ZNF385D: variants seen among roughly 807,000 people sequenced by gnomAD.
ZNF385D encodes zinc finger protein 659.
In ZNF385D, 15 loss-of-function variants were observed where a neutral mutation model predicts 35.8. The ratio of observed to expected loss-of-function variants is 0.42; its 90% CI spans 0.28 to 0.64. The LOEUF (loss-of-function observed/expected upper bound fraction) is 0.64, where lower values mean the gene tolerates loss of function less well. Ranked by LOEUF, ZNF385D falls within the 30% of genes least tolerant of loss-of-function variation. ZNF385D has a pLI of 0.23. For synonymous variants in ZNF385D, 212 were observed against 186.8 expected (o/e 1.13, Z -1.10); for missense variants, 474 against 494.6 (o/e 0.96, Z 0.39).
intron 3 of ZNF385D, among the ~76,000 whole-genome samples, chr3:21,821,586 T>G (rs1425407894): frequency 6.6e-6 from 1 of 152,084 alleles, no homozygotes; most frequent in East Asian, 1.9e-4. Context: ...AAGAAAAAAT[T>G]TATTGTACTT....
At chr3:21,589,323 T>C (rs944692203) in intron 2 of ZNF385D, among the ~76,000 whole-genome samples, 1 of 152,206 alleles carries the variant, frequency 6.6e-6, no homozygotes. Context: ...AGATATGTCA[T>C]TGTCATTCAG....
intron 3 of ZNF385D, among the ~76,000 whole-genome samples, chr3:22,045,222 C>T (rs1698913422): frequency 6.6e-6 from 1 of 151,672 alleles, no homozygotes. Flanking sequence ...TTTTATAGAT[C>T]CAGGTCTTAT....
intron 2 of ZNF385D, among the ~76,000 whole-genome samples, chr3:22,359,910 C>T (rs1392544250): frequency 6.6e-6 from 1 of 151,768 alleles, no homozygotes; most frequent in East Asian, 1.9e-4. Context: ...ATACTAGCGG[C>T]AACATAATGT....
At chr3:21,660,115 C>T (rs1354788608) in intron 2 of ZNF385D, among the ~76,000 whole-genome samples, 1 of 152,050 alleles carries the variant, frequency 6.6e-6, no homozygotes, top group Admixed American at 6.6e-5. Context: ...CTCTCTGTCT[C>T]TCTCTCTTTA....
intron 3 of ZNF385D, among the ~76,000 whole-genome samples, chr3:21,993,926 T>C (rs377240008): frequency 6.6e-6 from 1 of 152,198 alleles, no homozygotes; most frequent in African/African-American, 2.4e-5. Context: ...GCATTCATCA[T>C]GTCCCCTCAA....
At chr3:21,853,688 A>G (rs1397249292) in intron 3 of ZNF385D, among the ~76,000 whole-genome samples, 1 of 151,776 alleles carries the variant, frequency 6.6e-6, no homozygotes, top group Non-Finnish European at 1.5e-5. Flanking sequence ...ATTACGTGTT[A>G]ATGTGACTCT....
chr3:22,290,770 T>C (rs564544166), intron 2 of ZNF385D, among the ~76,000 whole-genome samples: 1 of 152,254 alleles, frequency 6.6e-6, no homozygotes, highest in African/African-American at 2.4e-5. Context: ...TTGATCTGTG[T>C]GTAGATGTTT....
chr3:22,008,351 C>T (rs1014247019), intron 3 of ZNF385D, among the ~76,000 whole-genome samples: 1 of 75,626 alleles, frequency 1.3e-5, no homozygotes, highest in South Asian at 4.7e-4. Context: ...TCATACAGGC[C>T]ATGATTTTCT....
chr3:22,115,071 A>T (rs1363412841), intron 3 of ZNF385D, among the ~76,000 whole-genome samples: 4 of 152,080 alleles, frequency 2.6e-5, no homozygotes, highest in Non-Finnish European at 4.4e-5. Flanking sequence ...ACACGAACAA[A>T]CTAAGACAGG....
chr3:21,466,418 C>G (rs1289629615), intron 4 of ZNF385D, among the ~76,000 whole-genome samples: 2 of 152,172 alleles, frequency 1.3e-5, no homozygotes, highest in African/African-American at 4.8e-5. Context: ...CATTCTTCCT[C>G]CTCATTTGGC....
chr3:21,951,570 A>G (rs1216771792), intron 3 of ZNF385D, among the ~76,000 whole-genome samples: 3 of 151,670 alleles, frequency 2.0e-5, no homozygotes, highest in South Asian at 4.1e-4. Flanking sequence ...TGCCCCGGCC[A>G]GAACTTCCAA....
chr3:21,977,149 T>C (rs940905802), intron 3 of ZNF385D, among the ~76,000 whole-genome samples: 2 of 152,278 alleles, frequency 1.3e-5, no homozygotes, highest in South Asian at 2.1e-4. Context: ...TGACTCTAAT[T>C]AGAGGAAGAT....
chr3:21,512,095 C>T (rs1194743601), intron 3 of ZNF385D, among the ~76,000 whole-genome samples: 4 of 134,170 alleles, frequency 3.0e-5, no homozygotes, highest in Non-Finnish European at 3.0e-5. Flanking sequence ...TGCAGTGAGC[C>T]GAGATCACGC....
chr3:21,755,590 G>C (rs1441889762), upstream of ZNF385D, among the ~76,000 whole-genome samples: 1 of 152,142 alleles, frequency 6.6e-6, no homozygotes, highest in East Asian at 1.9e-4. Flanking sequence ...ACTAAATGAG[G>C]TGTTGTTTGT....
At chr3:21,471,332 CACA>C (rs1703889326) in intron 4 of ZNF385D, among the ~76,000 whole-genome samples, 5 of 123,594 alleles carry the variant, frequency 4.0e-5, no homozygotes, top group Admixed American at 2.8e-4. Context: ...CACACACACA[CACA>C]CCTTGGTGAT....
intron 3 of ZNF385D, among the ~76,000 whole-genome samples, chr3:22,067,670 C>T (rs1447597504): frequency 6.6e-6 from 1 of 152,168 alleles, no homozygotes; most frequent in Non-Finnish European, 1.5e-5. Flanking sequence ...GGATATCTTT[C>T]TCCCAGAACT....
intron 3 of ZNF385D, among the ~76,000 whole-genome samples, chr3:22,071,294 G>T (rs191319768): frequency 1.4e-4 from 22 of 152,206 alleles, no homozygotes; most frequent in Admixed American, 1.4e-3. Context: ...CTGTCCCAAA[G>T]TTGAAATCTT....
intron 4 of ZNF385D, among the ~76,000 whole-genome samples, chr3:21,505,486 G>C (rs1305960301): frequency 2.0e-5 from 3 of 152,132 alleles, no homozygotes; most frequent in Non-Finnish European, 4.4e-5. Flanking sequence ...TGTTCTAACT[G>C]TTCTAACTAT....
intron 3 of ZNF385D, among the ~76,000 whole-genome samples, chr3:21,918,781 A>G (rs953230052): frequency 2.0e-5 from 3 of 152,134 alleles, no homozygotes; most frequent in Non-Finnish European, 4.4e-5. Context: ...AAGTCACTTT[A>G]TCTTCCTATT....
Sources: gnomAD v4.1 joint callset for allele counts (sites outside exome capture counted in the v4.1 genomes callset) on GRCh38, gnomAD v4.1.1 for gene constraint, MANE v1.5 for transcripts, NCBI Gene and HGNC (gene_info 2026-07-23, HGNC 2026-07-21) for gene names.